The following RBFOX2 variants were observed in gnomAD, a reference collection of about 807,000 sequenced individuals.
RBFOX2 encodes RNA binding fox-1 homolog 2, also known as RNA binding protein fox-1 homolog 2.
RBFOX2 carries 10 observed loss-of-function variants against 49.1 expected under a neutral mutation model. The observed-to-expected ratio is 0.20, with a 90% CI of 0.13 to 0.35. The LOEUF is 0.35. Ranked by LOEUF, RBFOX2 falls within the 10% of genes least tolerant of loss-of-function variation. The probability of loss-of-function intolerance (pLI) is 1.00; values close to 1 mark genes in which losing one functional copy is unlikely to be tolerated. For synonymous variants in RBFOX2, 183 were observed against 187.4 expected (o/e 0.98, Z 0.19); for missense variants, 323 against 486.9 (o/e 0.66, Z 3.17).
intron 1 of RBFOX2, among the ~76,000 whole-genome samples, chr22:35,927,840 C>G (rs559578489): frequency 3.9e-5 from 6 of 152,118 alleles, no homozygotes; most frequent in African/African-American, 1.4e-4. Flanking sequence ...ACAAAGACCT[C>G]TTTTTCTTGG....
intron 1 of RBFOX2, among the ~76,000 whole-genome samples, chr22:35,828,160 CAA>C (rs201383680): frequency 5.0e-4 from 33 of 66,566 alleles, no homozygotes; most frequent in East Asian, 4.9e-4. Context: ...GAATCTGTCT[CAA>C]AAAAAAAAAA....
chr22:35,873,784 A>T (rs1355640640), intron 1 of RBFOX2, among the ~76,000 whole-genome samples: 1 of 151,852 alleles, frequency 6.6e-6, no homozygotes, highest in East Asian at 1.9e-4. Context: ...TGAAATGGTT[A>T]TCATGCCTCA....
chr22:35,755,549 G>A (rs1936619543), intron 9 of RBFOX2, among the ~76,000 whole-genome samples: 1 of 152,098 alleles, frequency 6.6e-6, no homozygotes, highest in African/African-American at 2.4e-5. Context: ...ACTCTTTGCT[G>A]GCATCGGTTC....
intron 1 of RBFOX2, among the ~76,000 whole-genome samples, chr22:35,880,577 A>C (rs2045753181): frequency 6.6e-6 from 1 of 152,226 alleles, no homozygotes; most frequent in African/African-American, 2.4e-5. Context: ...CAAGCAGTTC[A>C]GTTCTACCTG....
intron 1 of RBFOX2, among the ~76,000 whole-genome samples, chr22:35,857,200 T>C (rs558251818): frequency 9.9e-5 from 15 of 152,278 alleles, no homozygotes; most frequent in East Asian, 3.9e-4. Flanking sequence ...TCTTTAAAGA[T>C]TGAGCAAGAG....
chr22:35,900,674 G>A (rs1198770127), intron 1 of RBFOX2, among the ~76,000 whole-genome samples: 1 of 151,654 alleles, frequency 6.6e-6, no homozygotes, highest in South Asian at 2.1e-4. Context: ...GATTCCCACA[G>A]GGCAATCTCT....
chr22:35,987,340 A>G (rs2057766189), intron 1 of RBFOX2, among the ~76,000 whole-genome samples: 2 of 152,310 alleles, frequency 1.3e-5, no homozygotes, highest in East Asian at 3.9e-4. Context: ...TAAATATTAT[A>G]CTATTCTGAG....
In RBFOX2 at chr22:35,749,787, G is replaced by T. The variant is rs187673042; in HGVS notation, c.888-3226C>A. The stretch of plus-strand genomic sequence containing the variant: ...TCTTAAGTTTTTCAAAAAGAACAAG[G>T]GTGGGAAGGAGGTAGAAGAGACAGG... On this transcript the variant is annotated intron_variant, in intron 9 of 11. Transcript: ENST00000405409. This position sits in a 1 kb window ranked among gnomAD's most constrained non-coding sequence, Gnocchi z 4.1. Among the ~76,000 whole-genome samples, 8 of 152,284 alleles carry T rather than the reference G, an allele frequency of 5.3e-5. No individual in the cohort carries two copies. Among genetic ancestry groups the T allele is most frequent in the Admixed American group, 3.3e-4 (5 of 15,292 alleles).
chr22:36,005,634 G>C (rs753863662), intron 1 of RBFOX2, among the ~76,000 whole-genome samples: 2 of 152,162 alleles, frequency 1.3e-5, no homozygotes, highest in Non-Finnish European at 2.9e-5. Context: ...CCTTCCACAG[G>C]TACTAGTTCG....
intron 1 of RBFOX2, among the ~76,000 whole-genome samples, chr22:35,873,290 C>T (rs757231182): frequency 2.6e-5 from 4 of 152,036 alleles, no homozygotes; most frequent in Non-Finnish European, 5.9e-5. Flanking sequence ...TACCACCACG[C>T]CCAGCTGATT....
chr22:35,991,991 G>A (rs1337288697), intron 1 of RBFOX2, among the ~76,000 whole-genome samples: 1 of 152,162 alleles, frequency 6.6e-6, no homozygotes, highest in Non-Finnish European at 1.5e-5. Flanking sequence ...CTGTGAGGTA[G>A]AAACTATTAT....
intron 1 of RBFOX2, among the ~76,000 whole-genome samples, chr22:35,945,660 C>T (rs1442206888): frequency 6.6e-6 from 1 of 152,162 alleles, no homozygotes; most frequent in Admixed American, 6.5e-5. Flanking sequence ...ACAGACTGGT[C>T]TCAAACTCCT....
At chr22:35,817,877 A>G (rs866058160) in intron 1 of RBFOX2, among the ~76,000 whole-genome samples, 50 of 152,174 alleles carry the variant, frequency 3.3e-4, no homozygotes, top group Admixed American at 2.4e-3. Flanking sequence ...ACAAGCTGGT[A>G]TATGTAAATT....
Position 35,765,423 on chromosome 22 carries a change from C to T in RBFOX2, c.607G>A (p.Gly203Ser), listed in dbSNP as rs768146296. The T allele has an allele frequency of 2.7e-6, 4 of 1,507,002 alleles. No homozygotes were observed. In the South Asian group the frequency reaches 3.5e-5, roughly 13 times the overall value. The allele number at this position is 1,507,002 out of a possible 1,614,324, so 93.4% of individuals were successfully genotyped here. The change falls in exon 6 of 12, where the codon GGT becomes AGT. Residue 203 changes from glycine (G) to serine (S), a missense_variant and splice_region_variant. Gly to Ser is a moderately conservative substitution (Grantham distance 56). Coordinates refer to ENST00000405409, the Ensembl canonical transcript of RBFOX2. ...TCTTTCGAAGATTATAATTTCTTAC[C>T]ATTTGCATATGGTGTGACCATCTTC...
intron 2 of RBFOX2, among the ~76,000 whole-genome samples, chr22:35,797,159 A>C (rs1007466274): frequency 2.0e-5 from 3 of 152,188 alleles, no homozygotes; most frequent in African/African-American, 7.2e-5. Flanking sequence ...AACATAATTT[A>C]GAGCTACCTT....
At chr22:35,813,567 T>G (rs1394324128) in intron 1 of RBFOX2, among the ~76,000 whole-genome samples, 1 of 152,204 alleles carries the variant, frequency 6.6e-6, no homozygotes, top group Non-Finnish European at 1.5e-5. Flanking sequence ...ATTCCTTCCT[T>G]TCCTATATTC....
At chr22:35,933,953 T>TATATATATATATATATACAC (rs1009021083) in intron 1 of RBFOX2, among the ~76,000 whole-genome samples, 10 of 141,072 alleles carry the variant, frequency 7.1e-5, no homozygotes, top group African/African-American at 2.5e-4. Flanking sequence ...TATATATATA[T>TATATATATATATATATACAC]ACACACATCA....
intron 1 of RBFOX2, among the ~76,000 whole-genome samples, chr22:35,827,126 T>A (rs565155413): frequency 6.6e-6 from 1 of 152,204 alleles, no homozygotes; most frequent in African/African-American, 2.4e-5. Context: ...AATCTGTAGA[T>A]AATCTGATTA....
intron 1 of RBFOX2, among the ~76,000 whole-genome samples, chr22:35,899,796 G>A (rs1603443461): frequency 1.3e-5 from 2 of 152,174 alleles, no homozygotes; most frequent in Admixed American, 1.3e-4. Flanking sequence ...TCTATCAGGA[G>A]AGCATGTTAT....
Sources: allele counts gnomAD v4.1 joint callset (sites outside exome capture counted in the v4.1 genomes callset), GRCh38; gene constraint gnomAD v4.1.1; non-coding constraint Gnocchi (gnomAD v3.1); transcripts MANE v1.5; gene names NCBI Gene and HGNC (gene_info 2026-07-23, HGNC 2026-07-21).